The following TBX15 variants were observed in gnomAD, a reference collection of about 807,000 sequenced individuals.
TBX15 encodes the protein T-box transcription factor TBX15.
In TBX15, 18 loss-of-function variants were observed where a neutral mutation model predicts 53.9. The ratio of observed to expected loss-of-function variants is 0.33; its 90% CI spans 0.23 to 0.49. The LOEUF (loss-of-function observed/expected upper bound fraction) is 0.49, where lower values mean the gene tolerates loss of function less well. TBX15 is among the 20% of genes least tolerant of loss of function. The pLI, the probability that TBX15 is intolerant of heterozygous loss-of-function variation, is 0.98. For missense variants in TBX15, 692 were observed against 749.5 expected (o/e 0.92, Z 0.90); for synonymous variants, 295 against 278.0 (o/e 1.06, Z -0.61).
At chr1:118,922,901 A>G (rs1271004342) in intron 5 of TBX15, among the ~76,000 whole-genome samples, 1 of 146,090 alleles carries the variant, frequency 6.8e-6, no homozygotes, top group Non-Finnish European at 1.5e-5. Flanking sequence ...ATGTTGAAAT[A>G]TTTATTGTCA....
At chr1:118,903,508 T>C (rs1471683741) in intron 6 of TBX15, among the ~76,000 whole-genome samples, 1 of 152,180 alleles carries the variant, frequency 6.6e-6, no homozygotes, top group African/African-American at 2.4e-5. Flanking sequence ...GGGAGTTGCT[T>C]TTTAATGTTT....
intron 1 of TBX15, among the ~76,000 whole-genome samples, chr1:118,933,953 T>C (rs1218678147): frequency 1.3e-5 from 2 of 152,140 alleles, no homozygotes; most frequent in Non-Finnish European, 2.9e-5. Flanking sequence ...CTCCAATGTA[T>C]GTTTAGGAAC....
chr1:118,987,617 G>A lies in TBX15; in HGVS notation c.179C>T (p.Ala60Val), dbSNP rs1325033624. 2 of 1,548,826 alleles carry A rather than the reference G, an allele frequency of 1.3e-6. No individual in the cohort carries two copies. Among genetic ancestry groups the A allele is most frequent in the African/African-American group, 1.4e-5 (1 of 73,012 alleles). Reference protein sequence around the residue: ...AGPLGDTEDAAAHGLEPHPDS... With the variant: ...AGPLGDTEDAVAHGLEPHPDS... The stretch of plus-strand genomic sequence containing the variant: ...CGGGTGAGGCTCCAGGCCGTGTGCC[G>A]CCGCGTCCTCCGTGTCTCCGAGTGG... Residue 60 changes from alanine to valine, a missense_variant, in exon 1 of 8, where the codon GCG becomes GTG. Physicochemically the swap from Ala to Val is moderately conservative, Grantham distance 64 (BLOSUM62 0). Around this residue, in one of 3 missense-constraint regions of TBX15, gnomAD observed 307 missense variants for 347.5 expected, o/e 0.88. Coordinates refer to ENST00000369429, the MANE Select transcript of TBX15 (RefSeq NM_001330677.2).
At chr1:118,886,568 C>T (rs758256608) in intron 7 of TBX15, among the ~76,000 whole-genome samples, 1 of 152,310 alleles carries the variant, frequency 6.6e-6, no homozygotes, top group African/African-American at 2.4e-5. Context: ...CATGGAACCT[C>T]CACATCAGTA....
chr1:118,919,478 T>C lies in TBX15; in HGVS notation c.861+3958A>G, dbSNP rs370514137. Among the ~76,000 whole-genome samples the C allele has an allele frequency of 1.4e-4, 21 of 152,280 alleles. No homozygotes were observed. The South Asian group carries it at 4.4e-3, about 32-fold the overall frequency. ...CAGTATGCTAGCAGCCCTAAGAGTC[T>C]ATTGGTCAGTAAGCAAGGATGGAAG... On this transcript the variant is annotated intron_variant, in intron 5 of 7. Transcript: ENST00000369429.
chr1:118,885,225 A>C lies in TBX15; in HGVS notation c.1316T>G (p.Met439Arg), dbSNP rs996548090. The C allele has an allele frequency of 2.5e-6, 4 of 1,614,042 alleles. No homozygotes were observed. Among genetic ancestry groups the C allele is most frequent in the Non-Finnish European group, 3.4e-6 (4 of 1,180,038 alleles). ...GATCAGGGATGGAGTCCTCTGAGGC[A>C]TGAAGGTTTCAGAGGGCTGAGTGGC... ...TSATQPSETFMPQRTPSLISG... is the reference protein window; with the variant it reads ...TSATQPSETFRPQRTPSLISG... Residue 439 changes from methionine to arginine, a missense_variant, in exon 8 of 8, where the codon ATG becomes AGG. Met to Arg is a moderately conservative substitution (Grantham distance 91). Around this residue, in one of 3 missense-constraint regions of TBX15, gnomAD observed 375 missense variants for 371.6 expected, o/e 1.01. Coordinates refer to ENST00000369429, the MANE Select transcript of TBX15 (RefSeq NM_001330677.2).
At chr1:118,945,262 C>T (rs1436586744) in intron 1 of TBX15, among the ~76,000 whole-genome samples, 3 of 152,140 alleles carry the variant, frequency 2.0e-5, no homozygotes, top group South Asian at 4.1e-4. Context: ...TTCATTTCAT[C>T]TTTTTGGCAG....
At chr1:118,980,315 T>A (rs1571220839) in intron 1 of TBX15, among the ~76,000 whole-genome samples, 1 of 152,268 alleles carries the variant, frequency 6.6e-6, no homozygotes, top group East Asian at 1.9e-4. Context: ...GTTCATCCAG[T>A]TGACAACTAA....
intron 1 of TBX15, among the ~76,000 whole-genome samples, chr1:118,939,420 AAAAAAAAAAAAAAAAAC>A (rs1488233098): frequency 0.05 from 6,313 of 125,162 alleles, 388 homozygotes; most frequent in East Asian, 0.17. Flanking sequence ...AAAAAAAAAA[AAAAAAAAAAAAAAAAAC>A]AAAAACAGGA....
intron 6 of TBX15, among the ~76,000 whole-genome samples, chr1:118,910,853 C>T (rs1037451218): frequency 1.3e-5 from 2 of 152,096 alleles, no homozygotes; most frequent in African/African-American, 4.8e-5. Context: ...TTCCTGTTCT[C>T]TACTAGGAAA....
intron 6 of TBX15, among the ~76,000 whole-genome samples, chr1:118,907,282 G>T (rs751637302): frequency 7.9e-5 from 12 of 152,154 alleles, no homozygotes; most frequent in East Asian, 1.9e-4. Context: ...CAGGATGAAG[G>T]CTCCGTCAGA....
intron 1 of TBX15, among the ~76,000 whole-genome samples, chr1:118,980,835 T>C (rs1212024031): frequency 6.6e-6 from 1 of 152,112 alleles, no homozygotes; most frequent in African/African-American, 2.4e-5. Context: ...GGTGCTTTTT[T>C]TTTTCCTTCT....
rs536564571 is a variant in TBX15, at chr1:118,979,950, G to A, written c.205+7641C>T. Reference sequence around the variant, plus strand: ...CGCGCCTGACCCGTTCGCCGTTCCGGCCCCGCGGCGCCTCCAAGGCCGGGC... The same window carrying A: ...CGCGCCTGACCCGTTCGCCGTTCCGACCCCGCGGCGCCTCCAAGGCCGGGC... On this transcript the variant is annotated intron_variant, in intron 1 of 7. Transcript: ENST00000369429. Among the ~76,000 whole-genome samples the A allele has an allele frequency of 3.0e-4, 46 of 152,314 alleles. 3 individuals are homozygous for A. In the South Asian group the frequency reaches 7.5e-3, roughly 25 times the overall value.
upstream of TBX15, among the ~76,000 whole-genome samples, chr1:118,989,100 C>A (rs766813533): frequency 1.3e-5 from 2 of 152,194 alleles, no homozygotes; most frequent in Non-Finnish European, 2.9e-5. Flanking sequence ...GGCTGCGCTT[C>A]GCCTGTTCCG....
chr1:118,943,661 CA>C (rs1656256585), intron 1 of TBX15, among the ~76,000 whole-genome samples: 1 of 152,172 alleles, frequency 6.6e-6, no homozygotes, highest in South Asian at 2.1e-4. Context: ...TGCCCAAAGG[CA>C]TTGTTCCATG....
intron 2 of TBX15, among the ~76,000 whole-genome samples, chr1:118,928,974 C>G (rs894581973): frequency 1.3e-5 from 2 of 152,034 alleles, no homozygotes. Flanking sequence ...CTTCGCAAGC[C>G]TTTTTTTTCT....
At chr1:118,889,196 A>G (rs1421704605) in intron 7 of TBX15, among the ~76,000 whole-genome samples, 1 of 152,242 alleles carries the variant, frequency 6.6e-6, no homozygotes, top group African/African-American at 2.4e-5. Context: ...CAATACAGAT[A>G]ACAGCAATTT....
chr1:118,911,037 C>T (rs1437019344), intron 6 of TBX15, among the ~76,000 whole-genome samples: 1 of 152,158 alleles, frequency 6.6e-6, no homozygotes, highest in Non-Finnish European at 1.5e-5. Context: ...AGTTAGAATT[C>T]TGTTCTCAAT....
intron 1 of TBX15, among the ~76,000 whole-genome samples, chr1:118,948,645 A>G (rs1656417911): frequency 6.6e-6 from 1 of 152,302 alleles, no homozygotes; most frequent in South Asian, 2.1e-4. Context: ...GGCAGGACTC[A>G]ATGTTTGCAA....
Sources: allele counts gnomAD v4.1 joint callset (sites outside exome capture counted in the v4.1 genomes callset), GRCh38; gene constraint gnomAD v4.1.1; regional missense constraint gnomAD v4.1.1; transcripts MANE v1.5; gene names NCBI Gene and HGNC (gene_info 2026-07-23, HGNC 2026-07-21).